MAGI2: variants seen among roughly 807,000 people sequenced by gnomAD.
The protein encoded by MAGI2 is membrane-associated guanylate kinase, WW and PDZ domain-containing protein 2.
A neutral mutation model predicts 133.3 loss-of-function variants in MAGI2; 35 were observed. That is an observed-to-expected ratio of 0.26 (90% CI 0.20 to 0.35). MAGI2 has a LOEUF of 0.35. Among genes scored for constraint, MAGI2 ranks in the 10% least tolerant of loss-of-function variants. The probability of loss-of-function intolerance (pLI) is 1.00; values close to 1 mark genes in which losing one functional copy is unlikely to be tolerated. For synonymous variants in MAGI2, 729 were observed against 710.6 expected (o/e 1.03, Z -0.41); for missense variants, 1,636 against 1,863.4 (o/e 0.88, Z 2.25).
intron 1 of MAGI2, among the ~76,000 whole-genome samples, chr7:79,345,944 A>G (rs1271981635): frequency 6.6e-6 from 1 of 152,090 alleles, no homozygotes; most frequent in Non-Finnish European, 1.5e-5. Flanking sequence ...ATGTAAAAAT[A>G]TTACCAAATG....
At chr7:78,929,833 GGGCTATTATTGAGCTTACCAGAAA>G (rs1799978980) in intron 2 of MAGI2, among the ~76,000 whole-genome samples, 1 of 151,932 alleles carries the variant, frequency 6.6e-6, no homozygotes, top group African/African-American at 2.4e-5. Flanking sequence ...CATCTTGGAG[GGGCTATTATTGAGCTTACCAGAAA>G]GGCTAAGAAG....
At chr7:78,977,127 T>C (rs1804327801) in intron 2 of MAGI2, among the ~76,000 whole-genome samples, 1 of 151,664 alleles carries the variant, frequency 6.6e-6, no homozygotes, top group East Asian at 1.9e-4. Flanking sequence ...AGACGTATAA[T>C]AGCCAACAAA....
chr7:78,885,310 AAGTTGAAATTAC>A (rs1338855903), intron 2 of MAGI2, among the ~76,000 whole-genome samples: 2 of 152,210 alleles, frequency 1.3e-5, no homozygotes, highest in Non-Finnish European at 2.9e-5. Flanking sequence ...TGTAAAATAA[AAGTTGAAATTAC>A]TAATAAAAAA....
intron 2 of MAGI2, among the ~76,000 whole-genome samples, chr7:78,658,655 G>A (rs1301782386): frequency 3.3e-5 from 5 of 152,030 alleles, no homozygotes; most frequent in African/African-American, 7.3e-5. Flanking sequence ...CTGGTCAAAC[G>A]GGCAAATGAC....
intron 1 of MAGI2, among the ~76,000 whole-genome samples, chr7:79,444,027 G>A (rs143166113): frequency 9.2e-5 from 14 of 152,096 alleles, no homozygotes; most frequent in East Asian, 1.9e-4. Flanking sequence ...ATCAATAAAC[G>A]TAATCCAGCA....
rs1420235445 is a variant in MAGI2 at position 78,354,463 on chromosome 7, T to A, written c.1104-8420A>T. Among the ~76,000 whole-genome samples the A allele has an allele frequency of 2.0e-5, 3 of 152,270 alleles. No homozygotes were observed. The South Asian group carries it at 6.2e-4, about 32-fold the overall frequency. On this transcript the variant is annotated intron_variant, in intron 7 of 21. Transcript: ENST00000354212. ...GCAATGGCAAAGGCAACATCACTGATGTCTGGGATTATCCAGGAAGGAGGG... is the reference window on the plus strand; with the variant it reads ...GCAATGGCAAAGGCAACATCACTGAAGTCTGGGATTATCCAGGAAGGAGGG...
intron 2 of MAGI2, among the ~76,000 whole-genome samples, chr7:78,971,779 C>G (rs1803807455): frequency 6.6e-6 from 1 of 151,772 alleles, no homozygotes; most frequent in Non-Finnish European, 1.5e-5. Context: ...TTTAATCTGT[C>G]TCAATTTCTC....
At chr7:78,363,994 TC>T (rs1793112469) in intron 7 of MAGI2, among the ~76,000 whole-genome samples, 1 of 151,716 alleles carries the variant, frequency 6.6e-6, no homozygotes. Flanking sequence ...TCCCCTCCCC[TC>T]CCCTTCCTCA....
chr7:78,336,010 C>T (rs1789722759), intron 9 of MAGI2, among the ~76,000 whole-genome samples: 1 of 152,080 alleles, frequency 6.6e-6, no homozygotes, highest in Admixed American at 6.6e-5. Flanking sequence ...ATCAAGACAA[C>T]TGTATAAGTG....
At chr7:79,124,914 C>CA in intron 1 of MAGI2, 2 of 281,122 alleles carry the variant, frequency 7.1e-6, no homozygotes, top group South Asian at 4.0e-5. Flanking sequence ...GGGTTTGTCA[C>CA]AAATGCCACT....
chr7:79,370,171 TAAAC>T (rs1358044401), intron 1 of MAGI2, among the ~76,000 whole-genome samples: 4 of 152,150 alleles, frequency 2.6e-5, no homozygotes, highest in Non-Finnish European at 5.9e-5. Flanking sequence ...TAAAAATCCC[TAAAC>T]ACTTTATTGT....
intron 2 of MAGI2, among the ~76,000 whole-genome samples, chr7:78,990,426 C>T (rs370630502): frequency 4.6e-5 from 7 of 152,114 alleles, no homozygotes; most frequent in East Asian, 1.9e-4. Flanking sequence ...TTCCCTGAAA[C>T]GTAGAAATTC....
At chr7:79,221,218 T>C (rs1406301446) in intron 1 of MAGI2, among the ~76,000 whole-genome samples, 1 of 152,096 alleles carries the variant, frequency 6.6e-6, no homozygotes, top group Non-Finnish European at 1.5e-5. Flanking sequence ...AAGCAGCACA[T>C]TTAACTATTC....
intron 3 of MAGI2, among the ~76,000 whole-genome samples, chr7:78,623,799 T>A (rs1431640773): frequency 6.6e-6 from 1 of 152,138 alleles, no homozygotes; most frequent in Non-Finnish European, 1.5e-5. Context: ...GACATTTTGG[T>A]CACTGACAGA....
chr7:78,061,625 A>G (rs1297862674), intron 21 of MAGI2, among the ~76,000 whole-genome samples: 1 of 152,142 alleles, frequency 6.6e-6, no homozygotes, highest in Non-Finnish European at 1.5e-5. Flanking sequence ...AGGCAGTTTG[A>G]AGTCTTGGGA....
chr7:78,465,105 A>T (rs1052460928), intron 6 of MAGI2, among the ~76,000 whole-genome samples: 1 of 152,170 alleles, frequency 6.6e-6, no homozygotes, highest in Non-Finnish European at 1.5e-5. Context: ...AGGCAAAAAA[A>T]CTCACAAAAC....
chr7:78,671,836 A>C (rs1814427656), intron 2 of MAGI2, among the ~76,000 whole-genome samples: 2 of 152,194 alleles, frequency 1.3e-5, no homozygotes, highest in African/African-American at 4.8e-5. Context: ...CAGATTTAGA[A>C]GTATCTCTAG....
intron 2 of MAGI2, among the ~76,000 whole-genome samples, chr7:78,989,260 C>T (rs559291534): frequency 1.3e-5 from 2 of 152,096 alleles, no homozygotes; most frequent in South Asian, 4.1e-4. Flanking sequence ...TTTCATTATG[C>T]TAGTCAAGGA....
chr7:78,291,062 C>G (rs1421976930), intron 9 of MAGI2, among the ~76,000 whole-genome samples: 1 of 152,054 alleles, frequency 6.6e-6, no homozygotes, highest in Non-Finnish European at 1.5e-5. Context: ...CAAAAGTTAG[C>G]AGAAGGTAAG....
Sources: allele counts gnomAD v4.1 joint callset (sites outside exome capture counted in the v4.1 genomes callset), GRCh38; gene constraint gnomAD v4.1.1; transcripts MANE v1.5; gene names NCBI Gene and HGNC (gene_info 2026-07-23, HGNC 2026-07-21).